PTBP1: variants seen among roughly 807,000 people sequenced by gnomAD.
PTBP1 encodes the protein polypyrimidine tract binding protein 1, also known as polypyrimidine tract-binding protein 1.
Under a neutral mutation model 59.8 loss-of-function variants are expected in PTBP1, and 8 were observed. That is an observed-to-expected ratio of 0.13 (90% confidence interval 0.08 to 0.24). The LOEUF is 0.24. Ranked by LOEUF, PTBP1 falls within the 10% of genes least tolerant of loss-of-function variation. The pLI, the probability that PTBP1 is intolerant of heterozygous loss-of-function variation, is 1.00. For synonymous variants in PTBP1, 490 were observed against 320.7 expected, an observed-to-expected ratio of 1.53 and a Z score of -5.64; for missense variants, 686 against 767.0, an observed-to-expected ratio of 0.89 and a Z score of 1.25.
intron 9 of PTBP1, chr19:806,003 A>C (rs1378189908): frequency 7.8e-6 from 2 of 256,292 alleles, no homozygotes; most frequent in South Asian, 5.7e-5. Flanking sequence ...CGGCCGCCCC[A>C]GTGCTGGCCG....
intron 1 of PTBP1, among the ~76,000 whole-genome samples, chr19:798,201 C>A (rs1031392344): frequency 2.0e-5 from 3 of 151,984 alleles, no homozygotes; most frequent in African/African-American, 7.2e-5. Context: ...GCCGGAGGGG[C>A]CTCTCCAGGG....
In PTBP1 at chr19:810,683, C is replaced by T. The variant is rs369489768; in HGVS notation, c.1542-11C>T. 12 of 1,611,984 alleles carry T rather than the reference C, an allele frequency of 7.4e-6. No homozygotes were observed. The highest frequency in any genetic ancestry group is 1.0e-5 in the Non-Finnish European group (12 of 1,179,448). On this transcript the variant is annotated splice_polypyrimidine_tract_variant and intron_variant, in intron 14 of 14. Coordinates refer to ENST00000356948, the MANE Select transcript of PTBP1 (RefSeq NM_002819.5). ...CTGCCCTGCGGCCGGCCCTGACCCC[C>T]TGTCTTGCAGGAAGGACCGCAAGAT...
chr19:807,104 C>T (rs1259823413), intron 10 of PTBP1: 1 of 147,482 alleles, frequency 6.8e-6, no homozygotes, highest in Non-Finnish European at 1.5e-5. Flanking sequence ...GTGACTTCCT[C>T]AAGGCGGTGC....
At position 808,857 on chromosome 19, in the gene PTBP1, C is replaced by T; in HGVS notation, c.1463+95C>T. 1 of 1,236,492 alleles carries T rather than the reference C, an allele frequency of 8.1e-7. No individual in the cohort carries two copies. The highest frequency in any genetic ancestry group is 1.2e-6 in the Non-Finnish European group (1 of 868,528). 76.6% of individuals were successfully genotyped at this position (1,236,492 alleles called of 1,614,324 possible). The stretch of plus-strand genomic sequence containing the variant: ...TCGGTGTGTGGACTTCTGGCGTTTC[C>T]AGAGTGCAGGTCGGGCACCTCTTAC... On this transcript the variant is annotated intron_variant, in intron 13 of 14. Coordinates refer to ENST00000356948, the MANE Select transcript of PTBP1 (RefSeq NM_002819.5). This position sits in a 1 kb window ranked among gnomAD's most constrained non-coding sequence, Gnocchi z 4.7.
intron 1 of PTBP1, among the ~76,000 whole-genome samples, chr19:799,157 G>T (rs1224353382): frequency 1.3e-5 from 2 of 152,256 alleles, no homozygotes; most frequent in Non-Finnish European, 2.9e-5. Flanking sequence ...CTGGTCCAGA[G>T]GTGGGGCCTG....
Position 808,498 on chromosome 19 carries a change from G to T in PTBP1, c.1246+46G>T. 6.4e-7 allele frequency: 1 copy of T among 1,557,924 alleles called. No homozygotes were observed. ...CGGGGTGGAGGGGGCAGGGGCGGGG[G>T]CTGCGTTCCCTCTCGGGCGCCTGGT... On this transcript the variant is annotated intron_variant, in intron 12 of 14. Transcript: ENST00000356948. This position sits in a 1 kb window ranked among gnomAD's most constrained non-coding sequence, Gnocchi z 4.7.
chr19:807,841 C>T, intron 10 of PTBP1, 28 bp from the exon 11 acceptor site: 6 of 1,610,638 alleles, frequency 3.7e-6, no homozygotes, highest in Middle Eastern at 1.7e-4. Context: ...CCCTGTCCCT[C>T]CGCTGCCTTG....
At chr19:810,644 T>TGGCTCTCCCC (rs2034819586) in intron 14 of PTBP1, 24 bp downstream of exon 14, 2 of 1,612,618 alleles carry the variant, frequency 1.2e-6, no homozygotes, top group South Asian at 1.1e-5. Context: ...GGGCTGTCCC[T>TGGCTCTCCCC]GGCTCTCCCC....
chr19:804,231 G>T (rs1239624545), intron 4 of PTBP1, 23 bp downstream of exon 4: 1 of 1,608,522 alleles, frequency 6.2e-7, no homozygotes, highest in East Asian at 2.2e-5. Context: ...CGTTTCTCCG[G>T]GGTGCTCACA....
rs2034667021 is a variant in PTBP1, at chr19:808,223, G to A, written c.1154-137G>A. The A allele has an allele frequency of 2.6e-5, 19 of 726,060 alleles. No individual in the cohort carries two copies. The highest frequency in any genetic ancestry group is 4.7e-6 in the Non-Finnish European group (2 of 424,460). 45.0% of individuals were successfully genotyped at this position (726,060 alleles called of 1,614,324 possible). ...TTAGCGCGCCCTGTGGCTGCGAGAC[G>A]CAGCTCCGCAGTGGCCGATAAAGCA... On this transcript the variant is annotated intron_variant, in intron 11 of 14. Coordinates refer to ENST00000356948, the MANE Select transcript of PTBP1 (RefSeq NM_002819.5). The surrounding 1 kb of genome is among the most constrained non-coding windows in gnomAD (Gnocchi z 4.7).
At chr19:798,653 T>G (rs1487087253) in intron 1 of PTBP1, 4 of 152,242 alleles carry the variant, frequency 2.6e-5, no homozygotes, top group Admixed American at 6.5e-5. Flanking sequence ...GCCCGGAGGC[T>G]GCCCTTCCGA....
intron 10 of PTBP1, chr19:807,146 A>T (rs2034620094): frequency 6.6e-6 from 1 of 152,346 alleles, no homozygotes; most frequent in African/African-American, 2.4e-5. Context: ...GGGGCCCAGG[A>T]CGCACTCCCT....
chr19:808,534 C>T lies in PTBP1; in HGVS notation c.1247-12C>T, dbSNP rs1233008001. Reference sequence around the variant, plus strand: ...TCTCGGGCGCCTGGTCACGCGGGTGCTGCTCCCCCAGCCATGAGCCACCTG... The same window carrying T: ...TCTCGGGCGCCTGGTCACGCGGGTGTTGCTCCCCCAGCCATGAGCCACCTG... On this transcript the variant is annotated splice_polypyrimidine_tract_variant and intron_variant, in intron 12 of 14. Transcript: ENST00000356948. This position sits in a 1 kb window ranked among gnomAD's most constrained non-coding sequence, Gnocchi z 4.7. The T allele has an allele frequency of 1.3e-6, 2 of 1,576,272 alleles. No individual in the cohort carries two copies. Among genetic ancestry groups the T allele is most frequent in the African/African-American group, 1.4e-5 (1 of 73,882 alleles).
At position 809,893 on chromosome 19, in the gene PTBP1, C is replaced by T. The variant is rs553386652; in HGVS notation, c.1464-650C>T. Among the ~76,000 whole-genome samples, 19 of 152,150 alleles carry T rather than the reference C, an allele frequency of 1.2e-4. 1 individual carries two copies. The highest frequency in any genetic ancestry group is 4.3e-4 in the African/African-American group (18 of 41,504). ...TCCAGGCTGGGCGGCAGAGTAAGAC[C>T]CTGTCTGTAAAAATTACATAATGCA... On this transcript the variant is annotated intron_variant, in intron 13 of 14. Transcript: ENST00000356948.
Position 808,483 on chromosome 19 carries a change from G to C in PTBP1, c.1246+31G>C. ...AGGCCGGGGCGGCCCCGGGGTGGAG[G>C]GGGCAGGGGCGGGGGCTGCGTTCCC... On this transcript the variant is annotated intron_variant, in intron 12 of 14. Transcript: ENST00000356948. The surrounding 1 kb of genome is among the most constrained non-coding windows in gnomAD (Gnocchi z 4.7). 1 of 1,564,410 alleles carries C rather than the reference G, an allele frequency of 6.4e-7. No homozygotes were observed. Among genetic ancestry groups the C allele is most frequent in the African/African-American group, 1.4e-5 (1 of 73,768 alleles).
rs1424732910 is a variant in PTBP1 at position 808,465 on chromosome 19, G to C, written c.1246+13G>C. ...CAGGCCCAGCTGGGTAAGAGGCCGG[G>C]GCGGCCCCGGGGTGGAGGGGGCAGG... On this transcript the variant is annotated intron_variant, in intron 12 of 14. Coordinates refer to ENST00000356948, the MANE Select transcript of PTBP1 (RefSeq NM_002819.5). The surrounding 1 kb of genome is among the most constrained non-coding windows in gnomAD (Gnocchi z 4.7). 6.3e-7 allele frequency: 1 copy of C among 1,584,346 alleles called. No homozygotes were observed. The highest frequency in any genetic ancestry group is 8.6e-7 in the Non-Finnish European group (1 of 1,166,724).
chr19:810,080 GCAGATCAC>G (rs1425534402), intron 13 of PTBP1, among the ~76,000 whole-genome samples: 2 of 152,204 alleles, frequency 1.3e-5, no homozygotes, highest in Non-Finnish European at 2.9e-5. Flanking sequence ...GCCGAGGCAG[GCAGATCAC>G]CTGAGGTCAG....
chr19:799,081 C>G (rs8111329), intron 1 of PTBP1, among the ~76,000 whole-genome samples: 1 of 152,078 alleles, frequency 6.6e-6, no homozygotes, highest in Non-Finnish European at 1.5e-5. Flanking sequence ...CTTGAACCCT[C>G]TCAGCGGCAT....
chr19:808,460 GCCGGGGCGGCC>G lies in PTBP1; in HGVS notation c.1246+15_1246+25del. On this transcript the variant is annotated intron_variant, in intron 12 of 14. Transcript: ENST00000356948. This position sits in a 1 kb window ranked among gnomAD's most constrained non-coding sequence, Gnocchi z 4.7. ...GCAACCAGGCCCAGCTGGGTAAGAG[GCCGGGGCGGCC>G]CCGGGGTGGAGGGGGCAGGGGCGGG... The G allele has an allele frequency of 6.3e-7, 1 of 1,591,318 alleles. No homozygotes were observed. The highest frequency in any genetic ancestry group is 8.5e-7 in the Non-Finnish European group (1 of 1,170,374).
Sources: gnomAD v4.1 joint callset for allele counts (sites outside exome capture counted in the v4.1 genomes callset) on GRCh38, gnomAD v4.1.1 for gene constraint, Gnocchi (gnomAD v3.1) non-coding constraint, MANE v1.5 for transcripts, NCBI Gene and HGNC (gene_info 2026-07-23, HGNC 2026-07-21) for gene names.